CCDC171: variants seen among roughly 807,000 people sequenced by gnomAD.
CCDC171 encodes the protein coiled-coil domain-containing protein 171.
In CCDC171, 177 loss-of-function variants were observed where a neutral mutation model predicts 168.2. That is an observed-to-expected ratio of 1.05 (90% confidence interval 0.93 to 1.19). The LOEUF (loss-of-function observed/expected upper bound fraction) is 1.19. CCDC171 is among the 50% of genes most tolerant of loss of function. The probability of loss-of-function intolerance (pLI) is 0.00; values close to 1 mark genes in which losing one functional copy is unlikely to be tolerated. For missense variants in CCDC171, 1,991 were observed against 1,539.0 expected, an observed-to-expected ratio of 1.29 and a Z score of -4.91; for synonymous variants, 687 against 540.8, an observed-to-expected ratio of 1.27 and a Z score of -3.75.
chr9:15,674,014 C>T (rs949022389), intron 9 of CCDC171, among the ~76,000 whole-genome samples: 19 of 152,212 alleles, frequency 1.2e-4, no homozygotes, highest in Admixed American at 4.6e-4. Context: ...TTAATTTTTG[C>T]CTCAATTTCA....
intron 24 of CCDC171, chr9:15,875,478 A>G (rs1817719446): frequency 6.6e-6 from 1 of 152,036 alleles, no homozygotes; most frequent in South Asian, 2.1e-4. Flanking sequence ...TTAAAAAAAG[A>G]AAACTATCAA....
chr9:15,965,232 A>G (rs1830688783), intron 25 of CCDC171, among the ~76,000 whole-genome samples: 1 of 152,246 alleles, frequency 6.6e-6, no homozygotes, highest in East Asian at 1.9e-4. Context: ...TTAGACCACA[A>G]TAAAATATGC....
intron 24 of CCDC171, among the ~76,000 whole-genome samples, chr9:15,893,535 AC>A (rs1396472170): frequency 3.3e-5 from 5 of 152,280 alleles, no homozygotes; most frequent in African/African-American, 1.2e-4. Flanking sequence ...AATTCATCTG[AC>A]AAAGGTCTAA....
Position 15,920,433 on chromosome 9 carries a change from G to A in CCDC171, c.3753+11G>A. 2 of 1,576,036 alleles carry A rather than the reference G, an allele frequency of 1.3e-6. No homozygotes were observed. Among genetic ancestry groups the A allele is most frequent in the Non-Finnish European group, 1.7e-6 (2 of 1,156,404 alleles). Reference sequence around the variant, plus strand: ...GCAAGTTTACAATCAGTAAGTCCTTGTCTAACAATATTTTTATAACTTTTT... The same window carrying A: ...GCAAGTTTACAATCAGTAAGTCCTTATCTAACAATATTTTTATAACTTTTT... On this transcript the variant is annotated intron_variant, in intron 25 of 25. Transcript: ENST00000380701.
At chr9:15,904,457 C>T (rs563413431) in intron 24 of CCDC171, among the ~76,000 whole-genome samples, 60 of 151,888 alleles carry the variant, frequency 4.0e-4, no homozygotes, top group Non-Finnish European at 7.4e-4. Context: ...AAATCCTTTA[C>T]ACACAAGCAA....
intron 13 of CCDC171, 133 bp from the exon 14 acceptor site, chr9:15,724,643 C>G: frequency 1.6e-6 from 1 of 614,938 alleles, no homozygotes; most frequent in Admixed American, 2.6e-5. Flanking sequence ...TTAATGTAAA[C>G]AAATGCTTGC....
At chr9:15,891,808 C>T (rs949176024) in intron 24 of CCDC171, among the ~76,000 whole-genome samples, 6 of 152,032 alleles carry the variant, frequency 3.9e-5, no homozygotes, top group Admixed American at 2.0e-4. Context: ...AACGAGCATG[C>T]AGGGAGGATG....
At chr9:16,018,044 C>T (rs1589329821) in intron 3 of CCDC171, among the ~76,000 whole-genome samples, 1 of 152,162 alleles carries the variant, frequency 6.6e-6, no homozygotes. Flanking sequence ...AGAATCATAG[C>T]TGCAAGGGAG....
At chr9:15,950,734 G>A (rs1829049492) in intron 25 of CCDC171, among the ~76,000 whole-genome samples, 1 of 151,426 alleles carries the variant, frequency 6.6e-6, no homozygotes, top group African/African-American at 2.4e-5. Flanking sequence ...AAAATAACCA[G>A]CTAACATCAT....
chr9:15,674,136 T>C (rs1157568337), intron 9 of CCDC171, among the ~76,000 whole-genome samples: 1 of 152,206 alleles, frequency 6.6e-6, no homozygotes, highest in Non-Finnish European at 1.5e-5. Flanking sequence ...TTTATTTGTA[T>C]AGAGGTGTTT....
intron 3 of CCDC171, among the ~76,000 whole-genome samples, chr9:15,989,774 G>A (rs1266801031): frequency 6.6e-6 from 1 of 152,140 alleles, no homozygotes; most frequent in Admixed American, 6.5e-5. Flanking sequence ...AGAACTAGGT[G>A]ACAAATGCAC....
Position 15,606,497 on chromosome 9 carries a change from G to T in CCDC171, c.675+12325G>T, listed in dbSNP as rs72706652. Among the ~76,000 whole-genome samples, 538 of 152,308 alleles carry T rather than the reference G, an allele frequency of 3.5e-3. 1 individual carries two copies. Among genetic ancestry groups the T allele is most frequent in the Non-Finnish European group, 5.5e-3 (376 of 68,022 alleles). On this transcript the variant is annotated intron_variant, in intron 6 of 25. Coordinates refer to ENST00000380701, the MANE Select transcript of CCDC171 (RefSeq NM_173550.4). ...ACTTTGCTAGCCTTGGGGACTTAGA[G>T]AGGAGGAACTTGTTCTGGGTCTTTC...
intron 24 of CCDC171, among the ~76,000 whole-genome samples, chr9:15,892,384 C>A (rs1220826760): frequency 3.3e-5 from 5 of 152,068 alleles, no homozygotes; most frequent in Non-Finnish European, 7.4e-5. Context: ...CCTTCAATAC[C>A]TAGTTTATTG....
chr9:15,632,933 G>A (rs201065357), intron 7 of CCDC171, among the ~76,000 whole-genome samples: 19 of 152,138 alleles, frequency 1.2e-4, no homozygotes, highest in African/African-American at 2.2e-4. Context: ...AGGATTCCCT[G>A]TTTAATAAAT....
intron 4 of CCDC171, among the ~76,000 whole-genome samples, chr9:15,585,070 C>G (rs567549469): frequency 2.4e-4 from 36 of 152,260 alleles, no homozygotes; most frequent in South Asian, 2.1e-3. Context: ...TCAGGTGGCT[C>G]TAATTGAAAA....
intron 24 of CCDC171, among the ~76,000 whole-genome samples, chr9:15,904,478 A>G (rs1001604008): frequency 6.6e-6 from 1 of 151,630 alleles, no homozygotes; most frequent in African/African-American, 2.4e-5. Flanking sequence ...ATGCTGAGAG[A>G]TTTTGTCACC....
intron 25 of CCDC171, among the ~76,000 whole-genome samples, chr9:15,926,211 T>G (rs1054029065): frequency 2.0e-5 from 3 of 151,712 alleles, no homozygotes; most frequent in African/African-American, 7.2e-5. Flanking sequence ...GCAATCAAAA[T>G]ATATATTTTA....
intron 11 of CCDC171, among the ~76,000 whole-genome samples, chr9:15,696,641 C>T (rs1330987435): frequency 1.3e-5 from 2 of 152,016 alleles, no homozygotes; most frequent in African/African-American, 4.8e-5. Flanking sequence ...AATATTGTCG[C>T]AGTATAGCAT....
intron 18 of CCDC171, among the ~76,000 whole-genome samples, chr9:15,750,294 C>G (rs1008662358): frequency 2.0e-5 from 3 of 151,944 alleles, no homozygotes; most frequent in African/African-American, 7.3e-5. Flanking sequence ...CTGAATAGAC[C>G]AATAACAGGT....
Sources: gnomAD v4.1 joint callset for allele counts (sites outside exome capture counted in the v4.1 genomes callset) on GRCh38, gnomAD v4.1.1 for gene constraint, MANE v1.5 for transcripts, NCBI Gene and HGNC (gene_info 2026-07-23, HGNC 2026-07-21) for gene names.